The following CMBL variants were observed in gnomAD, a reference collection of about 807,000 sequenced individuals.
CMBL encodes carboxymethylenebutenolidase homolog (Pseudomonas).
In CMBL, 17 loss-of-function variants were observed where a neutral mutation model predicts 28.7. The ratio of observed to expected loss-of-function variants is 0.59; its 90% confidence interval spans 0.41 to 0.89. CMBL has a LOEUF of 0.89. Among genes scored for constraint, CMBL ranks in the 40% least tolerant of loss-of-function variants. CMBL has a pLI of 0.00. For synonymous variants in CMBL, 106 were observed against 101.6 expected (o/e 1.04, Z -0.26); for missense variants, 310 against 298.5 (o/e 1.04, Z -0.28).
rs1457234336 is a variant in CMBL, at chr5:10,279,040, A to T, written c.*1413T>A. 1.3e-5 allele frequency among the ~76,000 whole-genome samples: 2 copies of T among 152,182 alleles called. No individual in the cohort carries two copies. Among genetic ancestry groups the T allele is most frequent in the Non-Finnish European group, 2.9e-5 (2 of 68,020 alleles). On this transcript the variant is annotated 3_prime_UTR_variant, in exon 6 of 6. Transcript: ENST00000296658. ...AAGACAAAATTAGGAAAAAAACTAC[A>T]ACATCAAGTCACTTGCCCAAAGTCA... is the stretch of plus-strand genomic sequence containing the variant.
chr5:10,300,560 G>A (rs2126562057), intron 1 of CMBL, among the ~76,000 whole-genome samples: 1 of 152,234 alleles, frequency 6.6e-6, no homozygotes, highest in South Asian at 2.1e-4. Context: ...AGCACTTTGA[G>A]AGGTCGAGGC....
chr5:10,280,936 G>C (rs1404540022), intron 5 of CMBL, among the ~76,000 whole-genome samples: 1 of 152,192 alleles, frequency 6.6e-6, no homozygotes, highest in East Asian at 1.9e-4. Context: ...ACCATGCCCA[G>C]CTAATTTTTG....
At chr5:10,287,923 G>C (rs995623258) in intron 3 of CMBL, among the ~76,000 whole-genome samples, 1 of 151,394 alleles carries the variant, frequency 6.6e-6, no homozygotes, top group African/African-American at 2.4e-5. Context: ...GTAGAGGCAG[G>C]TTTCACCATG....
At chr5:10,303,103 A>T (rs1746940093) in intron 1 of CMBL, among the ~76,000 whole-genome samples, 1 of 152,162 alleles carries the variant, frequency 6.6e-6, no homozygotes, top group East Asian at 1.9e-4. Context: ...CAGGTCTTTC[A>T]TTATTAATTT....
chr5:10,287,046 T>C (rs1746617890), intron 3 of CMBL, among the ~76,000 whole-genome samples: 1 of 152,170 alleles, frequency 6.6e-6, no homozygotes, highest in South Asian at 2.1e-4. Context: ...GAAGCCAAAT[T>C]TGGAACGCCA....
intron 1 of CMBL, among the ~76,000 whole-genome samples, chr5:10,301,713 T>C (rs1746903305): frequency 6.6e-6 from 1 of 151,000 alleles, no homozygotes; most frequent in South Asian, 2.1e-4. Flanking sequence ...GCGATTCTCC[T>C]GCCTCAGCCT....
Position 10,290,548 on chromosome 5 carries a change from G to C in CMBL, c.215C>G (p.Thr72Arg), listed in dbSNP as rs144114470. ...CAAAGAAACACAACTTTATACATACGTGTATCCATTTCCTGAGATCATGTC... is the reference window on the plus strand; with the variant it reads ...CAAAGAAACACAACTTTATACATACCTGTATCCATTTCCTGAGATCATGTC... ...IADMISGNGY[T>R]TIVPDFFVGQ... is the part of the protein sequence containing the mutation. The change falls in exon 2 of 6, where the codon ACA (threonine) becomes AGA (arginine). Residue 72 changes from threonine to arginine, a missense_variant and splice_region_variant. Physicochemically the swap from Thr to Arg is moderately conservative, Grantham distance 71 (BLOSUM62 -1). Coordinates refer to ENST00000296658, the MANE Select transcript of CMBL (RefSeq NM_138809.4). 1 of 1,606,492 alleles carries C rather than the reference G, an allele frequency of 6.2e-7. No homozygotes were observed. The highest frequency in any genetic ancestry group is 1.1e-5 in the South Asian group (1 of 90,930).
rs1045270232 is a variant in CMBL, at chr5:10,289,505, G to C, written c.216-976C>G. Among the ~76,000 whole-genome samples, 3 of 152,294 alleles carry C rather than the reference G, an allele frequency of 2.0e-5. No homozygotes were observed. Among genetic ancestry groups the C allele is most frequent in the Admixed American group, 2.0e-4 (3 of 15,304 alleles). On this transcript the variant is annotated intron_variant, in intron 2 of 5. Transcript: ENST00000296658. The surrounding 1 kb of genome is among the most constrained non-coding windows in gnomAD (Gnocchi z 4.3). ...CTTGGGCCAGTGATCTGGGGCAGCC[G>C]CAAAGCGCTCTCTTTATGGCCTGGT... is the stretch of plus-strand genomic sequence containing the variant.
rs993713364 is a variant in CMBL at position 10,279,834 on chromosome 5, C to T, written c.*619G>A. 1 of 151,992 alleles carries T rather than the reference C, an allele frequency of 6.6e-6. No homozygotes were observed. Among genetic ancestry groups the T allele is most frequent in the African/African-American group, 2.4e-5 (1 of 41,370 alleles). 9.4% of individuals were successfully genotyped at this position (151,992 alleles called of 1,614,324 possible). A position where few individuals can be genotyped will look rare whatever the true frequency, so the allele number is the denominator to read the frequency against. On this transcript the variant is annotated 3_prime_UTR_variant, in exon 6 of 6. Transcript: ENST00000296658. ...GGATTACAGGCGTGAGCCACCGCAC[C>T]CGGCCTGTAGGTTTTAACTAATAAT...
In CMBL at chr5:10,288,326, C is replaced by A. The variant is rs4702686; in HGVS notation, c.323+96G>T. ...TCCATTGGCCATGGAGAAGTCCTAC[C>A]CCAAGGTAAGGAGTAGTGTCTGAAA... On this transcript the variant is annotated intron_variant, in intron 3 of 5. Transcript: ENST00000296658. The A allele has an allele frequency of 1.6e-4, 144 of 879,724 alleles. 1 individual carries two copies. The highest frequency in any genetic ancestry group is 1.1e-3 in the Middle Eastern group (4 of 3,532). The allele number at this position is 879,724 out of a possible 1,614,324, so 54.5% of individuals were successfully genotyped here. A position where few individuals can be genotyped will look rare whatever the true frequency, so the allele number is the denominator to read the frequency against.
chr5:10,286,174 C>T, intron 4 of CMBL, 180 bp downstream of exon 4: 1 of 585,560 alleles, frequency 1.7e-6, no homozygotes, highest in Non-Finnish European at 2.8e-6. Context: ...GTGACATCCT[C>T]TGGTTAACTG....
chr5:10,278,465 CG>C lies in CMBL; in HGVS notation c.*1987del, dbSNP rs1478993755. The stretch of plus-strand genomic sequence containing the variant: ...CCCTCTCAGTCACAGCGTGAGTCCC[CG>C]GGGCTCATGCCTGCTTGCTCTAAAC... On this transcript the variant is annotated 3_prime_UTR_variant, in exon 6 of 6. Transcript: ENST00000296658. Among the ~76,000 whole-genome samples, 3 of 152,042 alleles carry C rather than the reference CG, an allele frequency of 2.0e-5. No individual in the cohort carries two copies. Among genetic ancestry groups the C allele is most frequent in the Non-Finnish European group, 4.4e-5 (3 of 68,018 alleles).
chr5:10,305,813 T>A (rs1054119929), intron 1 of CMBL, among the ~76,000 whole-genome samples: 57 of 152,014 alleles, frequency 3.7e-4, no homozygotes, highest in Admixed American at 2.6e-4. Context: ...TCAGGATACA[T>A]CCACCTCGGC....
chr5:10,283,056 C>T (rs888938478), intron 4 of CMBL, among the ~76,000 whole-genome samples: 1 of 146,870 alleles, frequency 6.8e-6, no homozygotes, highest in Non-Finnish European at 1.5e-5. Flanking sequence ...TGCCATTGCA[C>T]TCCAGCTCTG....
At chr5:10,306,552 C>A (rs1394227471) in intron 1 of CMBL, among the ~76,000 whole-genome samples, 1 of 152,028 alleles carries the variant, frequency 6.6e-6, no homozygotes, top group East Asian at 1.9e-4. Flanking sequence ...TTACAGAGGA[C>A]CCCAAGACAA....
Position 10,286,451 on chromosome 5 carries a change from G to C in CMBL, c.369C>G (p.Ala123=), listed in dbSNP as rs756867942. Residue 123 remains alanine, a synonymous_variant, in exon 4 of 6, where the codon GCC becomes GCG. Coordinates refer to ENST00000296658, the MANE Select transcript of CMBL (RefSeq NM_138809.4). ...AGAATCCCACGATGCCAATTTTCTG[G>C]GCATGACACTGTTGTTTCAGATACT... ...ILKYLKQQCH[A]QKIGIVGFCW... 1.2e-6 allele frequency: 2 copies of C among 1,613,940 alleles called. No individual in the cohort carries two copies. The highest frequency in any genetic ancestry group is 8.5e-7 in the Non-Finnish European group (1 of 1,179,926).
chr5:10,285,459 G>A (rs1203811663), intron 4 of CMBL, among the ~76,000 whole-genome samples: 7 of 151,850 alleles, frequency 4.6e-5, no homozygotes, highest in East Asian at 1.9e-4. Context: ...GAGCCACCAC[G>A]CCCAGCCTTA....
At chr5:10,288,619 C>T (rs1329337940) in intron 2 of CMBL, 90 bp from the exon 3 acceptor site, 18 of 986,130 alleles carry the variant, frequency 1.8e-5, no homozygotes, top group African/African-American at 4.8e-5. Context: ...GCTACGTTGG[C>T]GATTCTGGCT....
chr5:10,296,767 G>T (rs1746817388), intron 1 of CMBL, among the ~76,000 whole-genome samples: 1 of 152,162 alleles, frequency 6.6e-6, no homozygotes, highest in African/African-American at 2.4e-5. Flanking sequence ...GGGTGTTGAG[G>T]GGAGAACAAT....
Sources: allele counts gnomAD v4.1 joint callset (sites outside exome capture counted in the v4.1 genomes callset), GRCh38; gene constraint gnomAD v4.1.1; non-coding constraint Gnocchi (gnomAD v3.1); transcripts MANE v1.5; gene names NCBI Gene and HGNC (gene_info 2026-07-23, HGNC 2026-07-21).